SNTB1: variants seen among roughly 807,000 people sequenced by gnomAD.
SNTB1 encodes syntrophin beta 1, also known as beta-1-syntrophin.
SNTB1 carries 36 observed loss-of-function variants against 48.9 expected under a neutral mutation model. The observed-to-expected ratio is 0.74, with a 90% confidence interval of 0.56 to 0.97. SNTB1 has a LOEUF of 0.97. Ranked by LOEUF, SNTB1 falls within the 50% of genes least tolerant of loss-of-function variation. The pLI, the probability that SNTB1 is intolerant of heterozygous loss-of-function variation, is 0.00. For missense variants in SNTB1, 786 were observed against 703.4 expected, an observed-to-expected ratio of 1.12 and a Z score of -1.33; for synonymous variants, 299 against 294.6, an observed-to-expected ratio of 1.01 and a Z score of -0.15.
chr8:120,687,000 A>G (rs2129839805), intron 2 of SNTB1, among the ~76,000 whole-genome samples: 1 of 152,328 alleles, frequency 6.6e-6, no homozygotes, highest in African/African-American at 2.4e-5. Flanking sequence ...ACAAACAAAG[A>G]CTTACAGAGG....
intron 3 of SNTB1, among the ~76,000 whole-genome samples, chr8:120,621,243 A>G (rs1816790024): frequency 6.6e-6 from 1 of 152,058 alleles, no homozygotes; most frequent in Non-Finnish European, 1.5e-5. Flanking sequence ...TATAGGCGTG[A>G]GCCACCATGC....
At chr8:120,705,039 G>C (rs1023678015) in intron 1 of SNTB1, among the ~76,000 whole-genome samples, 1 of 152,172 alleles carries the variant, frequency 6.6e-6, no homozygotes, top group Non-Finnish European at 1.5e-5. Flanking sequence ...TTGCCTCCTC[G>C]ATCAGCCTAT....
At chr8:120,663,681 C>T (rs910571083) in intron 2 of SNTB1, among the ~76,000 whole-genome samples, 1 of 151,956 alleles carries the variant, frequency 6.6e-6, no homozygotes, top group Non-Finnish European at 1.5e-5. Flanking sequence ...CAGGAGGCAG[C>T]GTGAGGACCC....
At position 120,811,906 on chromosome 8, in the gene SNTB1, C is replaced by CG. The variant is rs1820446055; in HGVS notation, c.-64dup. On this transcript the variant is annotated 5_prime_UTR_variant, in exon 1 of 7. Transcript: ENST00000517992. ...GGGGGGAAAAGTGGGGAAGGGTGGC[C>CG]GGGGGGAGGACGCGGGGCCCGGGGG... 2.7e-6 allele frequency: 3 copies of CG among 1,094,716 alleles called. No individual in the cohort carries two copies. Among genetic ancestry groups the CG allele is most frequent in the African/African-American group, 1.7e-5 (1 of 60,522 alleles). The allele number at this position is 1,094,716 out of a possible 1,614,324, so 67.8% of individuals were successfully genotyped here.
chr8:120,761,530 A>G (rs1173584045), intron 1 of SNTB1, among the ~76,000 whole-genome samples: 1 of 152,220 alleles, frequency 6.6e-6, no homozygotes. Flanking sequence ...TGGTCTGTAG[A>G]CATACATACC....
intron 4 of SNTB1, among the ~76,000 whole-genome samples, chr8:120,551,978 C>G (rs142053261): frequency 2.1e-3 from 321 of 152,210 alleles, no homozygotes; most frequent in African/African-American, 7.3e-3. Flanking sequence ...TTCCTCCTTC[C>G]CTGGCCTAAC....
At chr8:120,605,933 A>G (rs568477186) in intron 3 of SNTB1, among the ~76,000 whole-genome samples, 33 of 152,226 alleles carry the variant, frequency 2.2e-4, no homozygotes, top group African/African-American at 7.9e-4. Context: ...CTGGTGAGCC[A>G]TGACCCTGCC....
At chr8:120,636,625 C>G (rs1460246758) in intron 2 of SNTB1, among the ~76,000 whole-genome samples, 4 of 147,046 alleles carry the variant, frequency 2.7e-5, no homozygotes, top group Admixed American at 6.8e-5. Flanking sequence ...GCCACATTTT[C>G]TTAATCCAGT....
chr8:120,752,247 C>T lies in SNTB1; in HGVS notation c.572-58339G>A, dbSNP rs1819231407. On this transcript the variant is annotated intron_variant, in intron 1 of 6. Coordinates refer to ENST00000517992, the MANE Select transcript of SNTB1 (RefSeq NM_021021.4). ...AAGCTCACAGAAATGCTGAAGTTAG[C>T]ACATTATAATATATCTGTGTATATG... Among the ~76,000 whole-genome samples the T allele has an allele frequency of 2.0e-5, 3 of 152,154 alleles. No individual in the cohort carries two copies. In the South Asian group the frequency reaches 6.2e-4, roughly 32 times the overall value.
chr8:120,558,997 G>A (rs986378109), intron 4 of SNTB1, among the ~76,000 whole-genome samples: 1 of 152,160 alleles, frequency 6.6e-6, no homozygotes, highest in Admixed American at 6.5e-5. Flanking sequence ...AGAATATAAA[G>A]AGAACAATTT....
intron 2 of SNTB1, among the ~76,000 whole-genome samples, chr8:120,690,141 A>G (rs968952901): frequency 2.0e-5 from 3 of 152,172 alleles, no homozygotes; most frequent in African/African-American, 7.2e-5. Flanking sequence ...ATTACAGTAT[A>G]TTGTTATAAT....
intron 1 of SNTB1, among the ~76,000 whole-genome samples, chr8:120,755,546 C>A (rs964598567): frequency 6.6e-6 from 1 of 151,982 alleles, no homozygotes; most frequent in African/African-American, 2.4e-5. Context: ...TGAAAAGGGG[C>A]AATTTAATGA....
intron 1 of SNTB1, among the ~76,000 whole-genome samples, chr8:120,805,310 G>T (rs995818313): frequency 2.0e-5 from 3 of 152,148 alleles, no homozygotes; most frequent in Non-Finnish European, 4.4e-5. Context: ...GGGAATTAGG[G>T]TTGAAGATGG....
intron 3 of SNTB1, among the ~76,000 whole-genome samples, chr8:120,627,505 A>C (rs1816902935): frequency 6.6e-6 from 1 of 152,206 alleles, no homozygotes; most frequent in Non-Finnish European, 1.5e-5. Context: ...GGTTCAGCTG[A>C]TTGACATAGT....
At chr8:120,575,545 T>C (rs1320815456) in intron 3 of SNTB1, among the ~76,000 whole-genome samples, 2 of 152,328 alleles carry the variant, frequency 1.3e-5, no homozygotes, top group African/African-American at 4.8e-5. Flanking sequence ...GGGGAATAAG[T>C]ACTTCCAGCT....
intron 1 of SNTB1, among the ~76,000 whole-genome samples, chr8:120,712,559 AT>A (rs902356177): frequency 9.2e-5 from 14 of 152,282 alleles, no homozygotes; most frequent in Middle Eastern, 3.4e-3. Flanking sequence ...TTTTATATGC[AT>A]TTTTTATATG....
intron 1 of SNTB1, among the ~76,000 whole-genome samples, chr8:120,708,042 T>TA (rs996986774): frequency 5.9e-5 from 9 of 151,338 alleles, no homozygotes; most frequent in African/African-American, 1.7e-4. Context: ...TTGATGAAAA[T>TA]AAAAAAATTG....
intron 1 of SNTB1, among the ~76,000 whole-genome samples, chr8:120,698,722 C>T (rs1185974142): frequency 6.6e-6 from 1 of 152,094 alleles, no homozygotes; most frequent in African/African-American, 2.4e-5. Context: ...GCACTCCTGT[C>T]CCCAATCACC....
At chr8:120,582,830 A>C (rs1475466769) in intron 3 of SNTB1, among the ~76,000 whole-genome samples, 15 of 152,124 alleles carry the variant, frequency 9.9e-5, no homozygotes, top group African/African-American at 2.7e-4. Flanking sequence ...AAACCTAGAT[A>C]ATGGGTTGAT....
Sources: allele counts gnomAD v4.1 joint callset (sites outside exome capture counted in the v4.1 genomes callset), GRCh38; gene constraint gnomAD v4.1.1; transcripts MANE v1.5; gene names NCBI Gene and HGNC (gene_info 2026-07-23, HGNC 2026-07-21).